SHISA9: variants seen among roughly 807,000 people sequenced by gnomAD.
SHISA9 encodes shisa family member 9.
In SHISA9, 13 loss-of-function variants were observed where a neutral mutation model predicts 38.0. That is an observed-to-expected ratio of 0.34 (90% confidence interval 0.22 to 0.54). The LOEUF (loss-of-function observed/expected upper bound fraction) is 0.54. SHISA9 is among the 20% of genes least tolerant of loss of function. The pLI is 0.91. For synonymous variants in SHISA9, 275 were observed against 242.0 expected (o/e 1.14, Z -1.27); for missense variants, 538 against 575.8 (o/e 0.93, Z 0.67).
intron 2 of SHISA9, among the ~76,000 whole-genome samples, chr16:13,039,200 C>T (rs185741783): frequency 2.6e-3 from 399 of 152,290 alleles, no homozygotes; most frequent in African/African-American, 8.6e-3. Context: ...TAAGCCACCG[C>T]GCCTGGCCAA....
chr16:13,360,361 A>G, the SHISA9 span, among the ~76,000 whole-genome samples: 3 of 152,108 alleles, frequency 2.0e-5, no homozygotes, highest in African/African-American at 7.2e-5. Context: ...CCCAAATCTC[A>G]TCTTGAATTG....
the SHISA9 span, among the ~76,000 whole-genome samples, chr16:13,342,231 C>T: frequency 1.3e-5 from 2 of 152,186 alleles, no homozygotes; most frequent in African/African-American, 4.8e-5. Flanking sequence ...TCAGCTGCCA[C>T]ATCAGGGTCA....
chr16:13,235,647 G>C lies in SHISA9; in HGVS notation c.*238G>C, dbSNP rs1222720818. The C allele has an allele frequency of 8.0e-6, 4 of 499,044 alleles. No individual in the cohort carries two copies. The highest frequency in any genetic ancestry group is 1.4e-5 in the Non-Finnish European group (4 of 288,304). The allele number at this position is 499,044 out of a possible 1,614,324, so 30.9% of individuals were successfully genotyped here. On this transcript the variant is annotated 3_prime_UTR_variant, in exon 5 of 5. Transcript: ENST00000558583. ...TGGACATTCAGCAATACAGCAAAGGGGAAAATGAGGCACACTCTTTCCACT... is the reference window on the plus strand; with the variant it reads ...TGGACATTCAGCAATACAGCAAAGGCGAAAATGAGGCACACTCTTTCCACT...
chr16:13,019,105 T>C (rs1438524227), intron 2 of SHISA9, among the ~76,000 whole-genome samples: 1 of 152,170 alleles, frequency 6.6e-6, no homozygotes, highest in African/African-American at 2.4e-5. Flanking sequence ...GTTCAATAGA[T>C]TCTCCTGCCT....
At chr16:13,342,678 G>A in the SHISA9 span, among the ~76,000 whole-genome samples, 2 of 152,184 alleles carry the variant, frequency 1.3e-5, no homozygotes, top group South Asian at 2.1e-4. Flanking sequence ...ACTCTAATCC[G>A]TTTACACCAT....
rs2051375843 is a variant in SHISA9 at position 13,235,602 on chromosome 16, A to G, written c.*193A>G. On this transcript the variant is annotated 3_prime_UTR_variant, in exon 5 of 5. Coordinates refer to ENST00000558583, the MANE Select transcript of SHISA9 (RefSeq NM_001145204.3). ...TCATGCCTGTAACGTGTCGGCGGGC[A>G]GCTGAGAAAGACCGAAGCGTGGACA... 4 of 675,984 alleles carry G rather than the reference A, an allele frequency of 5.9e-6. No individual in the cohort carries two copies. The South Asian group carries it at 7.0e-5, about 12-fold the overall frequency. 41.9% of individuals were successfully genotyped at this position (675,984 alleles called of 1,614,324 possible).
the SHISA9 span, among the ~76,000 whole-genome samples, chr16:13,399,666 C>T: frequency 1.7e-3 from 258 of 152,304 alleles, no homozygotes; most frequent in South Asian, 4.6e-3. Flanking sequence ...GCTTCTTCAC[C>T]GCTGCTTATC....
intron 2 of SHISA9, among the ~76,000 whole-genome samples, chr16:12,986,650 C>G (rs967228662): frequency 1.3e-5 from 2 of 152,148 alleles, no homozygotes; most frequent in African/African-American, 4.8e-5. Flanking sequence ...GACTGTCTTT[C>G]TAGAATCCAT....
chr16:13,537,921 C>G, the SHISA9 span, among the ~76,000 whole-genome samples: 1 of 152,048 alleles, frequency 6.6e-6, no homozygotes. Context: ...AGTAAATTAT[C>G]TTTTGGACAG....
the SHISA9 span, among the ~76,000 whole-genome samples, chr16:13,415,249 A>G: frequency 6.6e-6 from 1 of 152,246 alleles, no homozygotes; most frequent in African/African-American, 2.4e-5. Context: ...GTGGAATACT[A>G]TGCAGCTATA....
At chr16:13,056,268 T>C (rs1360624905) in intron 2 of SHISA9, among the ~76,000 whole-genome samples, 1 of 152,178 alleles carries the variant, frequency 6.6e-6, no homozygotes, top group Admixed American at 6.5e-5. Flanking sequence ...GCTGGGGGTG[T>C]ATACTTGAAT....
At chr16:13,092,942 C>G (rs13331847) in intron 2 of SHISA9, among the ~76,000 whole-genome samples, 7,852 of 152,248 alleles carry the variant, frequency 0.052, 338 homozygotes, top group Admixed American at 0.14. Flanking sequence ...TGTTCCTATT[C>G]GGCCATCTTG....
At chr16:13,150,814 G>A (rs903253453) in intron 2 of SHISA9, among the ~76,000 whole-genome samples, 3 of 152,142 alleles carry the variant, frequency 2.0e-5, no homozygotes, top group African/African-American at 7.2e-5. Flanking sequence ...CCATGACCAT[G>A]GAAGAAACCC....
At chr16:13,496,149 C>G in the SHISA9 span, among the ~76,000 whole-genome samples, 1 of 152,110 alleles carries the variant, frequency 6.6e-6, no homozygotes, top group African/African-American at 2.4e-5. Context: ...CTTTTATATT[C>G]TGCATGTAGC....
Position 13,235,556 on chromosome 16 carries a change from C to T in SHISA9, c.*147C>T, listed in dbSNP as rs1458890671. ...ACCAACTCTAAACCTACTGGGGACA[C>T]AGAGTCGCGCTTTTCCTAGGTCATG... On this transcript the variant is annotated 3_prime_UTR_variant, in exon 5 of 5. Transcript: ENST00000558583. The T allele has an allele frequency of 8.2e-5, 86 of 1,043,484 alleles. 1 individual carries two copies. The East Asian group carries it at 2.3e-3, about 27-fold the overall frequency. The allele number at this position is 1,043,484 out of a possible 1,614,324, so 64.6% of individuals were successfully genotyped here.
intron 1 of SHISA9, among the ~76,000 whole-genome samples, chr16:12,905,891 G>C (rs2071086229): frequency 6.6e-6 from 1 of 152,222 alleles, no homozygotes. Context: ...ATGAGCCACT[G>C]TGCCTGACCG....
intron 2 of SHISA9, among the ~76,000 whole-genome samples, chr16:13,008,490 CTGGT>C (rs1288817406): frequency 1.3e-5 from 2 of 152,106 alleles, no homozygotes; most frequent in Non-Finnish European, 2.9e-5. Context: ...AGGGAGGGAC[CTGGT>C]AGGAGGTGAT....
intron 2 of SHISA9, among the ~76,000 whole-genome samples, chr16:12,920,417 C>A (rs570843316): frequency 1.3e-5 from 2 of 152,102 alleles, no homozygotes; most frequent in Non-Finnish European, 2.9e-5. Context: ...ATGAATAAGA[C>A]CTACTGTTTG....
chr16:13,267,083 T>C, the SHISA9 span, among the ~76,000 whole-genome samples: 1 of 152,194 alleles, frequency 6.6e-6, no homozygotes, highest in Non-Finnish European at 1.5e-5. Context: ...TGGATGTAGT[T>C]GATTGTATTT....
Sources: gnomAD v4.1 joint callset for allele counts (sites outside exome capture counted in the v4.1 genomes callset) on GRCh38, gnomAD v4.1.1 for gene constraint, MANE v1.5 for transcripts, NCBI Gene and HGNC (gene_info 2026-07-23, HGNC 2026-07-21) for gene names.